MAML2: variants seen among roughly 807,000 people sequenced by gnomAD.
MAML2 encodes the protein mastermind like transcriptional coactivator 2.
In MAML2, 22 loss-of-function variants were observed where a neutral mutation model predicts 96.1. The observed-to-expected ratio is 0.23, with a 90% CI of 0.16 to 0.33. The LOEUF is 0.33. Among genes scored for constraint, MAML2 ranks in the 10% least tolerant of loss-of-function variants. The probability of loss-of-function intolerance (pLI) is 1.00; values close to 1 mark genes in which losing one functional copy is unlikely to be tolerated. For synonymous variants in MAML2, 561 were observed against 521.3 expected (o/e 1.08, Z -1.04); for missense variants, 1,367 against 1,392.4 (o/e 0.98, Z 0.29).
chr11:96,123,780 T>C (rs528551875), intron 1 of MAML2, among the ~76,000 whole-genome samples: 1 of 151,874 alleles, frequency 6.6e-6, no homozygotes, highest in East Asian at 1.9e-4. Context: ...CAGACAGAAA[T>C]TAAGAGTAAC....
intron 1 of MAML2, among the ~76,000 whole-genome samples, chr11:96,314,368 G>C (rs888980453): frequency 7.2e-5 from 11 of 152,222 alleles, no homozygotes; most frequent in African/African-American, 2.4e-4. Flanking sequence ...TTAACTCTGA[G>C]TGGTAGTTTG....
At chr11:95,991,837 A>T in intron 2 of MAML2, 114 bp from the exon 3 acceptor site, 1 of 762,514 alleles carries the variant, frequency 1.3e-6, no homozygotes, top group Non-Finnish European at 2.2e-6. Flanking sequence ...AAGATCAAAC[A>T]TGGTTAAATG....
intron 1 of MAML2, among the ~76,000 whole-genome samples, chr11:96,163,141 A>T (rs1861139427): frequency 6.6e-6 from 1 of 152,134 alleles, no homozygotes. Context: ...GTTTAAAGAG[A>T]TGAACAGAAA....
chr11:96,105,552 A>G (rs920107454), intron 1 of MAML2, among the ~76,000 whole-genome samples: 1 of 152,236 alleles, frequency 6.6e-6, no homozygotes, highest in Admixed American at 6.5e-5. Context: ...TTTAGAAGGT[A>G]GTTTGGCAAA....
At chr11:96,079,428 G>A (rs1273550732) in intron 2 of MAML2, among the ~76,000 whole-genome samples, 1 of 152,174 alleles carries the variant, frequency 6.6e-6, no homozygotes, top group Non-Finnish European at 1.5e-5. Flanking sequence ...TTTTGGCTGA[G>A]AGATGCGGTG....
rs1857912255 is a variant in MAML2, at chr11:95,991,551, A to G, written c.2312T>C (p.Leu771Pro). The G allele has an allele frequency of 6.2e-7, 1 of 1,613,672 alleles. No individual in the cohort carries two copies. Among genetic ancestry groups the G allele is most frequent in the Non-Finnish European group, 8.5e-7 (1 of 1,179,734 alleles). The change falls in exon 3 of 5, where the codon CTT becomes CCT. Residue 771 changes from leucine to proline, a missense_variant. Physicochemically the swap from Leu to Pro is moderately conservative, Grantham distance 98. Transcript: ENST00000524717. The stretch of plus-strand genomic sequence containing the variant: ...AGCCAGCATCTGCTGCTGGAGAAGA[A>G]GTTGCTGTTTCTGCTCCATGATCTG... ...QRQIMEQKQQ[L>P]LLQQQMLADA... is the part of the protein sequence containing the mutation.
At chr11:96,103,417 A>G (rs1859967219) in intron 1 of MAML2, among the ~76,000 whole-genome samples, 1 of 152,166 alleles carries the variant, frequency 6.6e-6, no homozygotes, top group African/African-American at 2.4e-5. Flanking sequence ...GCTGATTCTT[A>G]GCAACTCTTT....
intron 2 of MAML2, among the ~76,000 whole-genome samples, chr11:96,000,542 T>C (rs1057126160): frequency 2.0e-5 from 3 of 152,244 alleles, no homozygotes; most frequent in Admixed American, 6.5e-5. Flanking sequence ...GATACTTTGG[T>C]CTTTCACATT....
chr11:96,074,451 A>G (rs1353611146), intron 2 of MAML2, among the ~76,000 whole-genome samples: 2 of 152,200 alleles, frequency 1.3e-5, no homozygotes, highest in Non-Finnish European at 2.9e-5. Flanking sequence ...GCAAGATGTA[A>G]TTTCTCTCCC....
At chr11:95,986,026 C>T (rs956500037) in intron 3 of MAML2, among the ~76,000 whole-genome samples, 42 of 152,148 alleles carry the variant, frequency 2.8e-4, no homozygotes, top group Non-Finnish European at 1.8e-4. Context: ...CCAAACACCC[C>T]CCTCTCTTGT....
intron 2 of MAML2, among the ~76,000 whole-genome samples, chr11:95,995,929 C>T (rs576705650): frequency 3.2e-4 from 48 of 152,130 alleles, no homozygotes; most frequent in Non-Finnish European, 6.6e-4. Flanking sequence ...CAACAAAAAG[C>T]AATGCATAAT....
intron 2 of MAML2, among the ~76,000 whole-genome samples, chr11:96,063,473 G>A (rs958698870): frequency 3.3e-5 from 5 of 152,178 alleles, no homozygotes; most frequent in African/African-American, 1.2e-4. Flanking sequence ...TTTTGATTAA[G>A]TGAATGATTA....
chr11:96,206,984 C>T (rs1348690067), intron 1 of MAML2, among the ~76,000 whole-genome samples: 4 of 152,118 alleles, frequency 2.6e-5, no homozygotes, highest in Non-Finnish European at 5.9e-5. Context: ...AGGGAAATAT[C>T]ATCGCCCAAC....
At chr11:96,270,315 ATTTCT>A (rs1350316991) in intron 1 of MAML2, among the ~76,000 whole-genome samples, 4 of 151,956 alleles carry the variant, frequency 2.6e-5, no homozygotes, top group African/African-American at 9.7e-5. Flanking sequence ...AGATACCACC[ATTTCT>A]TTTCTTTGAG....
intron 1 of MAML2, among the ~76,000 whole-genome samples, chr11:96,243,504 C>T (rs562706999): frequency 1.3e-5 from 2 of 152,334 alleles, no homozygotes; most frequent in East Asian, 3.9e-4. Context: ...AGCCGCGCGG[C>T]TCAGACCTCG....
chr11:96,166,557 T>C (rs12575359), intron 1 of MAML2, among the ~76,000 whole-genome samples: 14,260 of 152,210 alleles, frequency 0.094, 865 homozygotes, highest in East Asian at 0.21. Flanking sequence ...GTTTCCTAAC[T>C]TGCTGCCACC....
chr11:96,062,951 T>A (rs1213497915), intron 2 of MAML2, among the ~76,000 whole-genome samples: 2 of 152,142 alleles, frequency 1.3e-5, no homozygotes, highest in Non-Finnish European at 1.5e-5. Flanking sequence ...CCCCCCAACC[T>A]AATAACAGCT....
intron 2 of MAML2, among the ~76,000 whole-genome samples, chr11:96,086,408 C>A (rs1298590390): frequency 6.6e-6 from 1 of 151,772 alleles, no homozygotes; most frequent in Non-Finnish European, 1.5e-5. Flanking sequence ...AAATACCTAA[C>A]AAAACTCCAG....
chr11:96,267,639 G>T (rs1591105181), intron 1 of MAML2, among the ~76,000 whole-genome samples: 1 of 152,292 alleles, frequency 6.6e-6, no homozygotes, highest in East Asian at 1.9e-4. Flanking sequence ...AAAATTCTAT[G>T]TAGGGGTAAC....
Sources: gnomAD v4.1 joint callset for allele counts (sites outside exome capture counted in the v4.1 genomes callset) on GRCh38, gnomAD v4.1.1 for gene constraint, MANE v1.5 for transcripts, NCBI Gene and HGNC (gene_info 2026-07-23, HGNC 2026-07-21) for gene names.